Variants in FTCDNL1 observed in about 807,000 individuals in gnomAD.
FTCDNL1 encodes the protein formiminotransferase N-terminal subdomain-containing protein.
Under a neutral mutation model 5.9 loss-of-function variants are expected in FTCDNL1, and 11 were observed. The observed-to-expected ratio is 1.87, with a 90% confidence interval of 1.18 to 3.10. FTCDNL1 has a LOEUF of 3.10. FTCDNL1 is among the 30% of genes most tolerant of loss of function. FTCDNL1 has a pLI of 0.00. For missense variants in FTCDNL1, 115 were observed against 65.5 expected (o/e 1.76, Z -2.61); for synonymous variants, 58 against 24.8 (o/e 2.34, Z -3.99).
downstream of FTCDNL1, among the ~76,000 whole-genome samples, chr2:199,759,608 T>C (rs1192514222): frequency 2.0e-5 from 3 of 152,314 alleles, no homozygotes; most frequent in Non-Finnish European, 1.5e-5. Context: ...GAAACATGTA[T>C]GTGTATATCT....
chr2:199,810,564 C>G lies in FTCDNL1; in HGVS notation c.*2141G>C, dbSNP rs140117255. Among the ~76,000 whole-genome samples the G allele has an allele frequency of 0.012, 1,888 of 152,328 alleles. 17 individuals carry two copies. Among genetic ancestry groups the G allele is most frequent in the Non-Finnish European group, 0.02 (1,373 of 68,044 alleles). On this transcript the variant is annotated 3_prime_UTR_variant, in exon 5 of 5. Transcript: ENST00000420128. The stretch of plus-strand genomic sequence containing the variant: ...ATTGACACTCTAGAGCCCTGTTACT[C>G]TAGAGCTCAGGGGCAAATGTCCCGC...
the FTCDNL1 span, among the ~76,000 whole-genome samples, chr2:199,708,691 G>A: frequency 6.6e-6 from 1 of 152,162 alleles, no homozygotes; most frequent in African/African-American, 2.4e-5. Flanking sequence ...CATTCTTGGT[G>A]CCTTCAACAA....
chr2:199,686,415 G>C, the FTCDNL1 span, among the ~76,000 whole-genome samples: 1 of 152,102 alleles, frequency 6.6e-6, no homozygotes. Flanking sequence ...TTATATTTTA[G>C]ATATAAAAAT....
At chr2:199,834,137 G>A (rs149142557) in intron 3 of FTCDNL1, among the ~76,000 whole-genome samples, 4 of 152,156 alleles carry the variant, frequency 2.6e-5, no homozygotes, top group Middle Eastern at 3.4e-3. Context: ...CAATATGACT[G>A]GGGTCCTCAT....
the FTCDNL1 span, among the ~76,000 whole-genome samples, chr2:199,734,204 G>A: frequency 6.6e-6 from 1 of 152,166 alleles, no homozygotes; most frequent in Non-Finnish European, 1.5e-5. Flanking sequence ...CTGACTCTGA[G>A]CCAAAGAGTC....
chr2:199,726,477 T>C, the FTCDNL1 span, among the ~76,000 whole-genome samples: 5 of 152,172 alleles, frequency 3.3e-5, no homozygotes, highest in Admixed American at 6.5e-5. Context: ...AGTCTGACTT[T>C]TTTATTTGTC....
intron 3 of FTCDNL1, among the ~76,000 whole-genome samples, chr2:199,830,801 A>C (rs769957): frequency 0.64 from 96,988 of 152,066 alleles, 31,195 homozygotes; most frequent in South Asian, 0.76. Context: ...CTAGAACATC[A>C]TTGAGAAGCA....
chr2:199,808,548 T>C (rs1201526194), downstream of FTCDNL1, among the ~76,000 whole-genome samples: 2 of 152,186 alleles, frequency 1.3e-5, no homozygotes, highest in Non-Finnish European at 2.9e-5. Flanking sequence ...ACTGTACCCA[T>C]TAAAAAGATG....
rs113882954 is a variant in FTCDNL1, at chr2:199,810,463, G to A, written c.*2242C>T. 1.6e-4 allele frequency among the ~76,000 whole-genome samples: 24 copies of A among 152,234 alleles called. No individual in the cohort carries two copies. Among genetic ancestry groups the A allele is most frequent in the African/African-American group, 5.1e-4 (21 of 41,544 alleles). ...TCCCTCACACAGACTTATAAACCTC[G>A]TGCCTTTCTCTTTGTGAAACCTGTT... On this transcript the variant is annotated 3_prime_UTR_variant, in exon 5 of 5. Transcript: ENST00000420128.
intron 4 of FTCDNL1, 40 bp downstream of exon 4, chr2:199,819,532 A>G (rs1416632651): frequency 1.5e-6 from 1 of 685,020 alleles, no homozygotes; most frequent in Admixed American, 2.2e-5. Context: ...AGTTTAAAAA[A>G]AAAAAAAAAA....
chr2:199,725,225 C>T, the FTCDNL1 span, among the ~76,000 whole-genome samples: 2 of 152,038 alleles, frequency 1.3e-5, no homozygotes, highest in African/African-American at 4.8e-5. Context: ...TTCTGCTTTC[C>T]ATTTGCTTGA....
At chr2:199,666,818 G>A in the FTCDNL1 span, among the ~76,000 whole-genome samples, 1 of 151,932 alleles carries the variant, frequency 6.6e-6, no homozygotes, top group Admixed American at 6.6e-5. Context: ...AGGAGGCTGA[G>A]GCAGAATTTC....
the FTCDNL1 span, among the ~76,000 whole-genome samples, chr2:199,675,727 G>T: frequency 6.6e-6 from 1 of 152,140 alleles, no homozygotes; most frequent in African/African-American, 2.4e-5. Context: ...CTGCCAGCAG[G>T]AAGGAAGAGC....
chr2:199,700,694 C>G, the FTCDNL1 span, among the ~76,000 whole-genome samples: 1,210 of 152,258 alleles, frequency 7.9e-3, 11 homozygotes, highest in Non-Finnish European at 0.013. Context: ...GATACAAAAA[C>G]AGACACATAG....
At chr2:199,847,734 G>T (rs1434375961) in intron 2 of FTCDNL1, among the ~76,000 whole-genome samples, 1 of 152,152 alleles carries the variant, frequency 6.6e-6, no homozygotes, top group East Asian at 1.9e-4. Context: ...AAATGTCTCT[G>T]CACATTCACT....
At chr2:199,783,209 T>C (rs1699458789) in intron 3 of FTCDNL1, among the ~76,000 whole-genome samples, 2 of 152,226 alleles carry the variant, frequency 1.3e-5, no homozygotes, top group South Asian at 4.1e-4. Flanking sequence ...CTGTTACCAG[T>C]ACTTTTCTCA....
At chr2:199,679,922 T>C in the FTCDNL1 span, among the ~76,000 whole-genome samples, 4 of 152,208 alleles carry the variant, frequency 2.6e-5, no homozygotes, top group Non-Finnish European at 4.4e-5. Context: ...ATTTTATATA[T>C]GCATTCAGCT....
the FTCDNL1 span, among the ~76,000 whole-genome samples, chr2:199,682,873 C>T: frequency 6.6e-6 from 1 of 152,124 alleles, no homozygotes; most frequent in Non-Finnish European, 1.5e-5. Flanking sequence ...TATTCATCAT[C>T]GAATGATTAA....
At chr2:199,775,006 T>A (rs1361160599) in intron 3 of FTCDNL1, among the ~76,000 whole-genome samples, 1 of 152,188 alleles carries the variant, frequency 6.6e-6, no homozygotes, top group African/African-American at 2.4e-5. Flanking sequence ...TGCTATCCCA[T>A]CCCTGTTCAC....
Sources: allele counts gnomAD v4.1 joint callset (sites outside exome capture counted in the v4.1 genomes callset), GRCh38; gene constraint gnomAD v4.1.1; transcripts MANE v1.5; gene names NCBI Gene and HGNC (gene_info 2026-07-23, HGNC 2026-07-21).